DNAJC13: variants seen among roughly 807,000 people sequenced by gnomAD.
DNAJC13 encodes DnaJ heat shock protein family (Hsp40) member C13, also known as dnaJ homolog subfamily C member 13.
Under a neutral mutation model 290.5 loss-of-function variants are expected in DNAJC13, and 75 were observed. The ratio of observed to expected loss-of-function variants is 0.26; its 90% CI spans 0.21 to 0.31. DNAJC13 has a LOEUF of 0.31. Among genes scored for constraint, DNAJC13 ranks in the 10% least tolerant of loss-of-function variants. The pLI is 1.00. For synonymous variants in DNAJC13, 862 were observed against 892.0 expected (o/e 0.97, Z 0.60); for missense variants, 2,260 against 2,674.5 (o/e 0.85, Z 3.42).
Position 132,488,213 on chromosome 3 carries a change from A to G in DNAJC13, c.3268-85A>G, listed in dbSNP as rs1934945847. On this transcript the variant is annotated intron_variant, in intron 29 of 55. Transcript: ENST00000260818. ...TATTTTATAATTTACATAAGGAGCT[A>G]TAACCTCAGCATATGAAATAAAAAA... 4.0e-6 allele frequency: 5 copies of G among 1,254,026 alleles called. No individual in the cohort carries two copies. The South Asian group carries it at 5.3e-5, about 13-fold the overall frequency. The allele number at this position is 1,254,026 out of a possible 1,614,324, so 77.7% of individuals were successfully genotyped here.
chr3:132,500,883 G>T lies in DNAJC13; in HGVS notation c.4506G>T (p.Lys1502Asn). 6.2e-7 allele frequency: 1 copy of T among 1,614,004 alleles called. No individual in the cohort carries two copies. The highest frequency in any genetic ancestry group is 1.1e-5 in the South Asian group (1 of 91,068). The part of the protein sequence containing the change: ...EKITEMPSII[K>N]DLCRVLYFGK... ...TCACGGAAATGCCTAGCATCATCAA[G>T]GATCTCTGTCGGGTACTATATTTTG... Residue 1502 changes from lysine (K) to asparagine (N), a missense_variant, in exon 39 of 56, where the codon AAG (lysine) becomes AAT (asparagine). By Grantham distance (94) the Lys-to-Asn change is moderately conservative. Transcript: ENST00000260818.
intron 2 of DNAJC13, 91 bp downstream of exon 2, chr3:132,434,709 C>CTG: frequency 1.0e-6 from 1 of 1,002,750 alleles, no homozygotes; most frequent in Non-Finnish European, 1.4e-6. Context: ...TACTGCACAA[C>CTG]TCAGGCTATA....
At chr3:132,417,887 A>G (rs1010474952) in intron 1 of DNAJC13, 127 bp downstream of exon 1, 2 of 153,178 alleles carry the variant, frequency 1.3e-5, no homozygotes, top group Non-Finnish European at 2.9e-5. Context: ...GCAGCTGCTA[A>G]GGAAGCAGAT....
At chr3:132,450,401 A>T (rs1933383825) in intron 5 of DNAJC13, among the ~76,000 whole-genome samples, 1 of 152,138 alleles carries the variant, frequency 6.6e-6, no homozygotes, top group African/African-American at 2.4e-5. Context: ...ATAGCTTCAT[A>T]AAATATTGTA....
At chr3:132,466,435 G>C in intron 19 of DNAJC13, 41 bp downstream of exon 19, 1 of 1,508,018 alleles carries the variant, frequency 6.6e-7, no homozygotes, top group South Asian at 1.3e-5. Flanking sequence ...TTAGGAGTAA[G>C]GGTACTGTTA....
intron 1 of DNAJC13, among the ~76,000 whole-genome samples, chr3:132,431,852 C>A (rs957183190): frequency 6.6e-6 from 1 of 152,126 alleles, no homozygotes; most frequent in Non-Finnish European, 1.5e-5. Context: ...TTAGTGGCTG[C>A]TAGGTGCTGA....
intron 52 of DNAJC13, 26 bp from the exon 53 acceptor site, chr3:132,526,115 A>G (rs1553752969): frequency 5.0e-6 from 8 of 1,613,116 alleles, no homozygotes; most frequent in South Asian, 1.1e-5. Flanking sequence ...CCAGTCTACA[A>G]GTAACCTTCT....
intron 25 of DNAJC13, among the ~76,000 whole-genome samples, 156 bp downstream of exon 25, chr3:132,479,445 G>A (rs1242728466): frequency 6.6e-6 from 1 of 152,112 alleles, no homozygotes. Context: ...GGAGGGAGAG[G>A]TTTTTGTCAG....
intron 20 of DNAJC13, among the ~76,000 whole-genome samples, chr3:132,467,765 G>A (rs796633854): frequency 4.3e-4 from 65 of 152,104 alleles, no homozygotes; most frequent in African/African-American, 1.5e-3. Flanking sequence ...GCACCCGGCC[G>A]AATGGTACCT....
rs181510613 is a variant in DNAJC13, at chr3:132,514,905, G to A, written c.5485+235G>A. 112 of 123,202 alleles carry A rather than the reference G, an allele frequency of 9.1e-4. 2 individuals carry two copies. In the East Asian group the frequency reaches 0.012, roughly 14 times the overall value. 7.6% of individuals were successfully genotyped at this position (123,202 alleles called of 1,614,324 possible). ...GTCCAAAACCAAAGGAAAATAACCT[G>A]GGATTTTCAGTTTGTTGAGATCTAC... On this transcript the variant is annotated intron_variant, in intron 46 of 55. Coordinates refer to ENST00000260818, the MANE Select transcript of DNAJC13 (RefSeq NM_015268.4).
intron 55 of DNAJC13, among the ~76,000 whole-genome samples, chr3:132,535,225 T>G (rs1231063106): frequency 1.3e-5 from 2 of 152,224 alleles, no homozygotes; most frequent in African/African-American, 2.4e-5. Flanking sequence ...CTACGTTTTC[T>G]TCTCTCTGGC....
At chr3:132,537,071 T>C in intron 55 of DNAJC13, 1 of 454,694 alleles carries the variant, frequency 2.2e-6, no homozygotes, top group Non-Finnish European at 4.4e-6. Flanking sequence ...CCTCCACCAA[T>C]CCCTGTTTCT....
At position 132,432,450 on chromosome 3, in the gene DNAJC13, C is replaced by T. The variant is rs1297325914; in HGVS notation, c.-13-2088C>T. On this transcript the variant is annotated intron_variant, in intron 1 of 55. Transcript: ENST00000260818. Reference sequence around the variant, plus strand: ...TAACTCCTGACCTCAGGTGATCCACCTATGTCAGCCTCCCAAAATGCTAGG... The same window carrying T: ...TAACTCCTGACCTCAGGTGATCCACTTATGTCAGCCTCCCAAAATGCTAGG... Among the ~76,000 whole-genome samples, 3 of 152,094 alleles carry T rather than the reference C, an allele frequency of 2.0e-5. No individual in the cohort carries two copies. In the East Asian group the frequency reaches 5.8e-4, roughly 29 times the overall value.
At chr3:132,517,334 G>A (rs921472736) in intron 48 of DNAJC13, among the ~76,000 whole-genome samples, 1 of 152,164 alleles carries the variant, frequency 6.6e-6, no homozygotes, top group Admixed American at 6.5e-5. Flanking sequence ...TGGATCCATG[G>A]TCCAGTTTGG....
At chr3:132,520,284 A>G (rs1164400402) in intron 48 of DNAJC13, among the ~76,000 whole-genome samples, 2 of 152,226 alleles carry the variant, frequency 1.3e-5, no homozygotes, top group African/African-American at 2.4e-5. Flanking sequence ...ACAAAACTTT[A>G]TATACGAAAA....
At chr3:132,535,229 C>G (rs927417105) in intron 55 of DNAJC13, among the ~76,000 whole-genome samples, 1 of 152,192 alleles carries the variant, frequency 6.6e-6, no homozygotes, top group African/African-American at 2.4e-5. Flanking sequence ...GTTTTCTTCT[C>G]TCTGGCTGCT....
chr3:132,514,328 A>C (rs950081258), intron 45 of DNAJC13, among the ~76,000 whole-genome samples: 8 of 152,086 alleles, frequency 5.3e-5, no homozygotes, highest in African/African-American at 1.9e-4. Context: ...ATTGGAAAAC[A>C]CTATAGTATA....
chr3:132,461,796 A>G (rs1933806841), intron 15 of DNAJC13, among the ~76,000 whole-genome samples: 1 of 151,988 alleles, frequency 6.6e-6, no homozygotes. Context: ...GGCTCAAGTA[A>G]TCTTCCCACC....
intron 40 of DNAJC13, among the ~76,000 whole-genome samples, chr3:132,502,737 A>G (rs1174093162): frequency 6.6e-6 from 1 of 152,216 alleles, no homozygotes; most frequent in Non-Finnish European, 1.5e-5. Flanking sequence ...CAACTTTATG[A>G]TGGCAAAATT....
Sources: allele counts gnomAD v4.1 joint callset (sites outside exome capture counted in the v4.1 genomes callset), GRCh38; gene constraint gnomAD v4.1.1; transcripts MANE v1.5; gene names NCBI Gene and HGNC (gene_info 2026-07-23, HGNC 2026-07-21).